ADAMTS10: variants seen among roughly 807,000 people sequenced by gnomAD.
The protein encoded by ADAMTS10 is ADAM metallopeptidase with thrombospondin type 1 motif 10, also known as A disintegrin and metalloproteinase with thrombospondin motifs 10.
ADAMTS10 carries 48 observed loss-of-function variants against 135.9 expected under a neutral mutation model. The ratio of observed to expected loss-of-function variants is 0.35; its 90% CI spans 0.28 to 0.45. The LOEUF (loss-of-function observed/expected upper bound fraction) is 0.45. ADAMTS10 is among the 20% of genes least tolerant of loss of function. ADAMTS10 has a pLI of 1.00. For missense variants in ADAMTS10, 1,131 were observed against 1,565.2 expected, an observed-to-expected ratio of 0.72 and a Z score of 4.68; for synonymous variants, 621 against 647.5, an observed-to-expected ratio of 0.96 and a Z score of 0.62.
intron 25 of ADAMTS10, among the ~76,000 whole-genome samples, chr19:8,584,504 C>CA (rs35235097): frequency 0.27 from 40,600 of 150,582 alleles, 6,105 homozygotes; most frequent in East Asian, 0.67. Flanking sequence ...AACAAACAAA[C>CA]AAAAAACCCT....
In ADAMTS10 at chr19:8,599,842, T is replaced by A. The variant is rs146099931; in HGVS notation, c.810+1086A>T. 2.2e-4 allele frequency among the ~76,000 whole-genome samples: 33 copies of A among 151,954 alleles called. No homozygotes were observed. The East Asian group carries it at 6.0e-3, about 28-fold the overall frequency. ...CCAGGCTGCTGTGTACTTATTTTTT[T>A]ATTTTTTTTTGAGACAGAGTCTTGC... On this transcript the variant is annotated intron_variant, in intron 6 of 25. Coordinates refer to ENST00000597188, the MANE Select transcript of ADAMTS10 (RefSeq NM_030957.4).
At position 8,605,668 on chromosome 19, in the gene ADAMTS10, C is replaced by T. The variant is rs1555742477; in HGVS notation, c.43G>A (p.Gly15Arg). Residue 15 changes from glycine to arginine, a missense_variant, in exon 3 of 26, where the codon GGG (glycine) becomes AGG (arginine). By Grantham distance (125) the Gly-to-Arg change is moderately radical. Coordinates refer to ENST00000597188, the MANE Select transcript of ADAMTS10 (RefSeq NM_030957.4). The surrounding 1 kb of genome is among the most constrained non-coding windows in gnomAD (Gnocchi z 7.7). ...GTGACCTCGAACATGAGGCCCAGCCCCAGGGCGAGGGCCCAGCGGAGGATC... is the reference window on the plus strand; with the variant it reads ...GTGACCTCGAACATGAGGCCCAGCCTCAGGGCGAGGGCCCAGCGGAGGATC... The part of the protein sequence containing the change: ...CQILRWALAL[G>R]LGLMFEVTHA... The T allele has an allele frequency of 1.2e-6, 2 of 1,613,464 alleles. No homozygotes were observed. Among genetic ancestry groups the T allele is most frequent in the Non-Finnish European group, 8.5e-7 (1 of 1,179,914 alleles).
chr19:8,589,742 C>T, intron 16 of ADAMTS10, 147 bp downstream of exon 16: 2 of 1,422,344 alleles, frequency 1.4e-6, no homozygotes, highest in Non-Finnish European at 1.9e-6. Flanking sequence ...CGTTGAACCC[C>T]CATGGTACCG....
At chr19:8,604,316 G>T (rs1456019053) in intron 4 of ADAMTS10, among the ~76,000 whole-genome samples, 1 of 150,394 alleles carries the variant, frequency 6.6e-6, no homozygotes, top group Non-Finnish European at 1.5e-5. Flanking sequence ...TCCTGCCTCG[G>T]CCTCCCAAAG....
Position 8,580,817 on chromosome 19 carries a change from GGCCCCCTCTGGC to G in ADAMTS10, c.*64_*75del, listed in dbSNP as rs1555735570. 3.2e-5 allele frequency: 40 copies of G among 1,237,614 alleles called. 1 individual carries two copies. Among genetic ancestry groups the G allele is most frequent in the Non-Finnish European group, 4.3e-5 (38 of 876,404 alleles). 76.7% of individuals were successfully genotyped at this position (1,237,614 alleles called of 1,614,324 possible). ...TCCCTCCCAGTTCCCGCCCCCCCGG[GGCCCCCTCTGGC>G]CGGCCCGCTGCAGGGCTGGCGGCGG... On this transcript the variant is annotated 3_prime_UTR_variant, in exon 26 of 26. Transcript: ENST00000597188.
intron 5 of ADAMTS10, among the ~76,000 whole-genome samples, chr19:8,602,846 C>T (rs1420490481): frequency 2.6e-5 from 4 of 152,094 alleles, no homozygotes; most frequent in Non-Finnish European, 4.4e-5. Flanking sequence ...ATGCTGTTCT[C>T]AAACTCCTGG....
At chr19:8,581,130 C>CTTTTTTTTTTTTTTTTTT (rs369050914) in intron 25 of ADAMTS10, 128 bp from the exon 26 acceptor site, 72 of 147,302 alleles carry the variant, frequency 4.9e-4, no homozygotes, top group East Asian at 6.4e-4. Flanking sequence ...TTTAAATTTA[C>CTTTTTTTTTTTTTTTTTT]TTTTTTTTTT....
rs140985267 is a variant in ADAMTS10 at position 8,602,258 on chromosome 19, T to C, written c.593-1113A>G. ...TATGTCTACCACAGCATCCTACTCATAGAGTATCTGATTATATACTTAATT... is the reference window on the plus strand; with the variant it reads ...TATGTCTACCACAGCATCCTACTCACAGAGTATCTGATTATATACTTAATT... On this transcript the variant is annotated intron_variant, in intron 5 of 25. Transcript: ENST00000597188. Among the ~76,000 whole-genome samples, 33 of 152,326 alleles carry C rather than the reference T, an allele frequency of 2.2e-4. No homozygotes were observed. The East Asian group carries it at 5.6e-3, about 26-fold the overall frequency.
In ADAMTS10 at chr19:8,605,474, G is replaced by A. The variant is rs1184071118; in HGVS notation, c.89-116C>T. 4.1e-6 allele frequency: 6 copies of A among 1,468,856 alleles called. No individual in the cohort carries two copies. The highest frequency in any genetic ancestry group is 5.5e-6 in the Non-Finnish European group (6 of 1,081,264). The allele number at this position is 1,468,856 out of a possible 1,614,324, so 91.0% of individuals were successfully genotyped here. ...GCCTCACTGACCCCCGAAATCCAGG[G>A]AGTTGGCTGCAAGGCTCCCGCCTAT... is the stretch of plus-strand genomic sequence containing the variant. On this transcript the variant is annotated intron_variant, in intron 3 of 25. Transcript: ENST00000597188. This position sits in a 1 kb window ranked among gnomAD's most constrained non-coding sequence, Gnocchi z 7.7.
At position 8,585,280 on chromosome 19, in the gene ADAMTS10, C is replaced by A. The variant is rs540077192; in HGVS notation, c.2894G>T (p.Arg965Leu). The change falls in exon 24 of 26, where the codon CGC (arginine) becomes CTC (leucine). Residue 965 changes from arginine (R) to leucine (L), a missense_variant. Physicochemically the swap from Arg to Leu is moderately radical, Grantham distance 102. Coordinates refer to ENST00000597188, the MANE Select transcript of ADAMTS10 (RefSeq NM_030957.4). Reference sequence around the variant, plus strand: ...GCTCTTGCAAAGGACCACGCGGTGGCGGAGGCCCGGCCCGCAGCTGGGGGT... The same window carrying A: ...GCTCTTGCAAAGGACCACGCGGTGGAGGAGGCCCGGCCCGCAGCTGGGGGT... The part of the protein sequence containing the change: ...ECTPSCGPGL[R>L]HRVVLCKSAD... 6.6e-7 allele frequency: 1 copy of A among 1,514,410 alleles called. No individual in the cohort carries two copies. Among genetic ancestry groups the A allele is most frequent in the Non-Finnish European group, 8.8e-7 (1 of 1,130,612 alleles). 93.8% of individuals were successfully genotyped at this position (1,514,410 alleles called of 1,614,324 possible). A position where few individuals can be genotyped will look rare whatever the true frequency, so the allele number is the denominator to read the frequency against.
intron 4 of ADAMTS10, 70 bp from the exon 5 acceptor site, chr19:8,603,954 C>G: frequency 6.9e-7 from 1 of 1,447,272 alleles, no homozygotes; most frequent in Non-Finnish European, 9.3e-7. Context: ...CTGGGACCTT[C>G]TCTCTGTCTT....
Position 8,585,638 on chromosome 19 carries a change from G to C in ADAMTS10, c.2683C>G (p.Leu895Val). ...CCTGCATCGCAGCTGCGGCTGCAGA[G>C]CGACCAGTTCCCTACAACCCAGCTG... ...PPDWVVGNWS[L>V]CSRSCDAGVR... The change falls in exon 23 of 26, where the codon CTC becomes GTC. Residue 895 changes from leucine (L) to valine (V), a missense_variant. Leu to Val is a conservative substitution (Grantham distance 32). Transcript: ENST00000597188. 1.2e-6 allele frequency: 2 copies of C among 1,612,236 alleles called. No homozygotes were observed. The highest frequency in any genetic ancestry group is 8.5e-7 in the Non-Finnish European group (1 of 1,179,646).
intron 15 of ADAMTS10, among the ~76,000 whole-genome samples, chr19:8,591,383 G>A (rs896489478): frequency 1.3e-5 from 2 of 151,862 alleles, no homozygotes; most frequent in South Asian, 2.1e-4. Flanking sequence ...GAGGGGTGGC[G>A]GCTGCAGGTT....
intron 25 of ADAMTS10, 88 bp downstream of exon 25, chr19:8,584,807 T>G: frequency 6.6e-7 from 1 of 1,511,788 alleles, no homozygotes; most frequent in Non-Finnish European, 8.9e-7. Flanking sequence ...TTCCAGAAGT[T>G]CTAGGATGAA....
chr19:8,580,941 G>GC lies in ADAMTS10; in HGVS notation c.3263dup (p.Ser1088ArgfsTer175). 1 of 1,613,422 alleles carries GC rather than the reference G, an allele frequency of 6.2e-7. No homozygotes were observed. The highest frequency in any genetic ancestry group is 8.5e-7 in the Non-Finnish European group (1 of 1,179,790). ...AGCACATCTGGCGGAAGTAGGCTCG[G>GC]CTGCAGAACTGAAATTTGAGCACCA... On this transcript the variant is annotated frameshift_variant, in exon 26 of 26. Coordinates refer to ENST00000597188, the MANE Select transcript of ADAMTS10 (RefSeq NM_030957.4). LOFTEE classifies it high-confidence loss of function.
chr19:8,598,715 C>T (rs1167878262), intron 6 of ADAMTS10, among the ~76,000 whole-genome samples: 4 of 151,820 alleles, frequency 2.6e-5, no homozygotes, highest in African/African-American at 9.7e-5. Flanking sequence ...GCTGGGACTA[C>T]AGGTGCCCGC....
Position 8,601,565 on chromosome 19 carries a change from T to G in ADAMTS10, c.593-420A>C, listed in dbSNP as rs2042670562. 2.0e-5 allele frequency among the ~76,000 whole-genome samples: 3 copies of G among 152,076 alleles called. No homozygotes were observed. The highest frequency in any genetic ancestry group is 2.0e-4 in the Admixed American group (3 of 15,244). ...TTAATTGAGACTGCATTTCACCATGTTGGCCAGGCTGGTCTCGAACTCCTG... is the reference window on the plus strand; with the variant it reads ...TTAATTGAGACTGCATTTCACCATGGTGGCCAGGCTGGTCTCGAACTCCTG... On this transcript the variant is annotated intron_variant, in intron 5 of 25. Transcript: ENST00000597188. This position sits in a 1 kb window ranked among gnomAD's most constrained non-coding sequence, Gnocchi z 4.6.
intron 12 of ADAMTS10, among the ~76,000 whole-genome samples, chr19:8,595,229 C>A (rs782707975): frequency 6.6e-6 from 1 of 152,058 alleles, no homozygotes; most frequent in African/African-American, 2.4e-5. Flanking sequence ...AACCTCCTGC[C>A]CCCCAATGCC....
Position 8,600,749 on chromosome 19 carries a change from T to C in ADAMTS10, c.810+179A>G, listed in dbSNP as rs8104287. Among the ~76,000 whole-genome samples the C allele has an allele frequency of 0.01, 1,558 of 152,142 alleles. 26 individuals are homozygous for C. The highest frequency in any genetic ancestry group is 0.035 in the African/African-American group (1,437 of 41,514). ...TCCTGACCTTGTGATCTGCCCGCCT[T>C]GGCCTCCCGAAGTGCTGGGATTACA... On this transcript the variant is annotated intron_variant, in intron 6 of 25. Coordinates refer to ENST00000597188, the MANE Select transcript of ADAMTS10 (RefSeq NM_030957.4).
Sources: gnomAD v4.1 joint callset for allele counts (sites outside exome capture counted in the v4.1 genomes callset) on GRCh38, gnomAD v4.1.1 for gene constraint, Gnocchi (gnomAD v3.1) non-coding constraint, MANE v1.5 for transcripts, NCBI Gene and HGNC (gene_info 2026-07-23, HGNC 2026-07-21) for gene names.